Variants in FN1 observed in about 807,000 individuals in gnomAD.
FN1 encodes fibronectin 1.
Under a neutral mutation model 297.3 loss-of-function variants are expected in FN1, and 106 were observed. The observed-to-expected ratio is 0.36, with a 90% CI of 0.30 to 0.42. FN1 has a LOEUF of 0.42. FN1 is among the 10% of genes least tolerant of loss of function. The probability of loss-of-function intolerance (pLI) is 1.00; values close to 1 mark genes in which losing one functional copy is unlikely to be tolerated. For missense variants in FN1, 2,690 were observed against 3,124.9 expected, an observed-to-expected ratio of 0.86 and a Z score of 3.32; for synonymous variants, 1,149 against 1,152.6, an observed-to-expected ratio of 1.00 and a Z score of 0.06.
chr2:215,365,038 A>T, intron 43 of FN1, 53 bp from the exon 44 acceptor site: 1 of 1,170,530 alleles, frequency 8.5e-7, no homozygotes, highest in Non-Finnish European at 1.2e-6. Flanking sequence ...AATACTGCAG[A>T]CTTGATCTAG....
chr2:215,401,226 G>GA (rs2061017786), intron 20 of FN1, among the ~76,000 whole-genome samples: 1 of 51,962 alleles, frequency 1.9e-5, no homozygotes, highest in Non-Finnish European at 4.1e-5. Context: ...AAGAAAGAAA[G>GA]AAAGAAAGAA....
chr2:215,426,952 T>C (rs563554331), intron 6 of FN1, among the ~76,000 whole-genome samples: 26 of 152,116 alleles, frequency 1.7e-4, no homozygotes, highest in East Asian at 9.7e-4. Context: ...CTCGGGTCAC[T>C]GCAAACTCCA....
intron 3 of FN1, 105 bp downstream of exon 3, chr2:215,433,219 C>T: frequency 4.8e-6 from 7 of 1,472,162 alleles, no homozygotes; most frequent in Non-Finnish European, 6.6e-6. Context: ...GGGCAAACCT[C>T]AAAGTTCGGA....
chr2:215,397,615 C>G, intron 22 of FN1, 65 bp downstream of exon 22: 1 of 1,386,842 alleles, frequency 7.2e-7, no homozygotes, highest in Non-Finnish European at 1.0e-6. Context: ...GATATTGACA[C>G]TAGCTTTTTT....
At chr2:215,402,622 A>T (rs1322243488) in intron 20 of FN1, among the ~76,000 whole-genome samples, 2 of 152,226 alleles carry the variant, frequency 1.3e-5, no homozygotes, top group Non-Finnish European at 2.9e-5. Context: ...GGAGTTGTAG[A>T]ATACCCTGCT....
intron 13 of FN1, among the ~76,000 whole-genome samples, chr2:215,412,328 A>T (rs1178144696): frequency 6.6e-6 from 1 of 152,022 alleles, no homozygotes; most frequent in Non-Finnish European, 1.5e-5. Context: ...ATTTTCTATT[A>T]TTCTGGTCTT....
At position 215,410,032 on chromosome 2, in the gene FN1, A is replaced by G. The variant is rs1575645626; in HGVS notation, c.2024T>C (p.Val675Ala). The G allele has an allele frequency of 1.2e-5, 19 of 1,613,872 alleles. 1 individual carries two copies. In the East Asian group the frequency reaches 4.0e-4, roughly 34 times the overall value. The change falls in exon 14 of 46, where the codon GTG becomes GCG. Residue 675 changes from valine (V) to alanine (A), a missense_variant. By Grantham distance (64) the Val-to-Ala change is moderately conservative. Coordinates refer to ENST00000354785, the MANE Select transcript of FN1 (RefSeq NM_212482.4). ...GCTGATGAGCTGGCCCTCGTATACC[A>G]CACCAGGCTTCAGGCCTTTGATGGT... is the stretch of plus-strand genomic sequence containing the variant. ...SYTIKGLKPGVVYEGQLISIQ... is the reference protein window; with the variant it reads ...SYTIKGLKPGAVYEGQLISIQ...
At chr2:215,382,963 AC>A (rs2058415579) in intron 31 of FN1, among the ~76,000 whole-genome samples, 1 of 151,748 alleles carries the variant, frequency 6.6e-6, no homozygotes, top group South Asian at 2.1e-4. Flanking sequence ...AGGTGGTCCT[AC>A]CCCATCTATC....
At position 215,394,686 on chromosome 2, in the gene FN1, G is replaced by A; in HGVS notation, c.3638C>T (p.Thr1213Ile). 1 of 1,614,114 alleles carries A rather than the reference G, an allele frequency of 6.2e-7. No individual in the cohort carries two copies. The highest frequency in any genetic ancestry group is 8.5e-7 in the Non-Finnish European group (1 of 1,179,982). The part of the protein sequence containing the change: ...ITGYRITTTP[T>I]NGQQGNSLEE... ...CAAAGAATTTCCCTGCTGGCCGTTTGTAGGGGTTGTGGTAATTCTATAACC... is the reference window on the plus strand; with the variant it reads ...CAAAGAATTTCCCTGCTGGCCGTTTATAGGGGTTGTGGTAATTCTATAACC... Residue 1213 changes from threonine (T) to isoleucine (I), a missense_variant, in exon 24 of 46, where the codon ACA becomes ATA. By Grantham distance (89) the Thr-to-Ile change is moderately conservative. Around this residue, in one of 3 missense-constraint regions of FN1, gnomAD observed 1,743 missense variants for 1,945.2 expected, o/e 0.90. Transcript: ENST00000354785.
At chr2:215,392,519 T>TGG in intron 25 of FN1, 2 of 246,712 alleles carry the variant, frequency 8.1e-6, no homozygotes, top group Non-Finnish European at 1.6e-5. Flanking sequence ...CATGGTAGAG[T>TGG]TTATCAAAGG....
Position 215,407,136 on chromosome 2 carries a change from G to C in FN1, c.2704C>G (p.Pro902Ala). 6.2e-7 allele frequency: 1 copy of C among 1,613,438 alleles called. No individual in the cohort carries two copies. Among genetic ancestry groups the C allele is most frequent in the Non-Finnish European group, 8.5e-7 (1 of 1,179,476 alleles). The change falls in exon 18 of 46, where the codon CCA becomes GCA. Residue 902 changes from proline to alanine, a missense_variant. Coordinates refer to ENST00000354785, the MANE Select transcript of FN1 (RefSeq NM_212482.4). ...TTCTTAAAAAAGTTACCTGAGCGTG[G>C]GGTGCCAGTGGTTTCTTGTTGAATG... ...VVIQQETTGTPRSDTVPSPRD... is the reference protein window; with the variant it reads ...VVIQQETTGTARSDTVPSPRD...
chr2:215,381,092 ATT>A lies in FN1; in HGVS notation c.5165-14_5165-13del. On this transcript the variant is annotated splice_polypyrimidine_tract_variant and intron_variant, in intron 32 of 45. Transcript: ENST00000354785. The stretch of plus-strand genomic sequence containing the variant: ...AGGGCGATCAATGTCTGTTAGGCAA[ATT>A]AATGGTAAGAGGTTATGTGAAAAGC... The A allele has an allele frequency of 6.2e-7, 1 of 1,613,836 alleles. No homozygotes were observed. The highest frequency in any genetic ancestry group is 8.5e-7 in the Non-Finnish European group (1 of 1,179,686).
intron 29 of FN1, 109 bp downstream of exon 29, chr2:215,384,751 A>G (rs1386351049): frequency 1.2e-6 from 1 of 809,568 alleles, no homozygotes; most frequent in Non-Finnish European, 2.2e-6. Flanking sequence ...GGCTCCGTTG[A>G]ATGGACTTGC....
chr2:215,408,807 T>C (rs1233138496), intron 15 of FN1, among the ~76,000 whole-genome samples: 2 of 152,130 alleles, frequency 1.3e-5, no homozygotes, highest in African/African-American at 4.8e-5. Flanking sequence ...TGGCCTCAAG[T>C]GATCCACCAG....
intron 42 of FN1, among the ~76,000 whole-genome samples, chr2:215,366,826 TAAACGTA>T (rs899121845): frequency 1.8e-4 from 27 of 152,188 alleles, no homozygotes; most frequent in Non-Finnish European, 3.4e-4. Context: ...CATACAAACT[TAAACGTA>T]GTTCGATTTC....
chr2:215,403,475 A>G (rs894062528), intron 20 of FN1, among the ~76,000 whole-genome samples: 4 of 152,198 alleles, frequency 2.6e-5, no homozygotes, highest in African/African-American at 9.6e-5. Context: ...GAAAATTGCA[A>G]ACTAGTCCAT....
intron 20 of FN1, among the ~76,000 whole-genome samples, chr2:215,401,231 A>AAGGAAGGAAGGAAGGAAGGAAGG (rs1559474823): frequency 3.5e-5 from 2 of 57,820 alleles, no homozygotes; most frequent in African/African-American, 1.4e-4. Context: ...AGAAAGAAAG[A>AAGGAAGGAAGGAAGGAAGGAAGG]AAGAAAGAAA....
chr2:215,369,736 G>C (rs1246411924), intron 41 of FN1, among the ~76,000 whole-genome samples: 1 of 149,208 alleles, frequency 6.7e-6, no homozygotes, highest in African/African-American at 2.5e-5. Context: ...TGTATAGTCA[G>C]AAAAAAAAAT....
chr2:215,404,021 A>G (rs886198448), intron 20 of FN1, among the ~76,000 whole-genome samples: 5 of 152,244 alleles, frequency 3.3e-5, no homozygotes, highest in Admixed American at 3.3e-4. Flanking sequence ...AATTTTTCTA[A>G]TAACAGACTG....
Sources: gnomAD v4.1 joint callset for allele counts (sites outside exome capture counted in the v4.1 genomes callset) on GRCh38, gnomAD v4.1.1 for gene constraint, gnomAD v4.1.1 regional missense constraint, MANE v1.5 for transcripts, NCBI Gene and HGNC (gene_info 2026-07-23, HGNC 2026-07-21) for gene names.